Variants in TMEM74 observed in about 807,000 individuals in gnomAD.
TMEM74 encodes the protein transmembrane protein 74.
In TMEM74, 13 loss-of-function variants were observed where a neutral mutation model predicts 18.1. The observed-to-expected ratio is 0.72, with a 90% CI of 0.47 to 1.14. The LOEUF (loss-of-function observed/expected upper bound fraction) is 1.14, where lower values mean the gene tolerates loss of function less well. TMEM74 is among the 50% of genes most tolerant of loss of function. The probability of loss-of-function intolerance (pLI) is 0.00; values close to 1 mark genes in which losing one functional copy is unlikely to be tolerated. For missense variants in TMEM74, 372 were observed against 375.9 expected, an observed-to-expected ratio of 0.99 and a Z score of 0.09; for synonymous variants, 159 against 146.6, an observed-to-expected ratio of 1.08 and a Z score of -0.61.
At chr8:108,665,395 G>T (rs1195923881) in intron 1 of TMEM74, among the ~76,000 whole-genome samples, 1 of 151,958 alleles carries the variant, frequency 6.6e-6, no homozygotes, top group Non-Finnish European at 1.5e-5. Context: ...AAGAGAAATG[G>T]GCATCAGGGA....
intron 2 of TMEM74, among the ~76,000 whole-genome samples, chr8:108,654,763 T>A (rs898341521): frequency 2.6e-5 from 4 of 152,124 alleles, no homozygotes; most frequent in Non-Finnish European, 4.4e-5. Flanking sequence ...AAGTGTTTTT[T>A]TTTTTATATT....
intron 1 of TMEM74, among the ~76,000 whole-genome samples, chr8:108,748,408 GGTT>G (rs1309824716): frequency 3.3e-5 from 5 of 151,918 alleles, no homozygotes; most frequent in African/African-American, 1.2e-4. Context: ...TTTTAAATGG[GGTT>G]GTTGTTTTTT....
chr8:108,743,889 A>G (rs1462795480), intron 1 of TMEM74, among the ~76,000 whole-genome samples: 3 of 152,138 alleles, frequency 2.0e-5, no homozygotes, highest in Non-Finnish European at 4.4e-5. Context: ...AGAATGTTTG[A>G]AAATGTGGGG....
intron 1 of TMEM74, among the ~76,000 whole-genome samples, chr8:108,726,360 A>G (rs963961728): frequency 3.3e-5 from 5 of 152,186 alleles, no homozygotes; most frequent in African/African-American, 7.2e-5. Context: ...TTTAAAGTAT[A>G]GTAAATCAAT....
At chr8:108,620,874 A>G (rs1002134615) in intron 2 of TMEM74, among the ~76,000 whole-genome samples, 1 of 152,156 alleles carries the variant, frequency 6.6e-6, no homozygotes, top group Non-Finnish European at 1.5e-5. Context: ...TAGAAGTGAT[A>G]TTGTGAGAAT....
intron 1 of TMEM74, among the ~76,000 whole-genome samples, chr8:108,769,105 C>T (rs1045672971): frequency 6.6e-6 from 1 of 151,530 alleles, no homozygotes; most frequent in Admixed American, 6.6e-5. Flanking sequence ...GAGTTCAAGA[C>T]CAGCCTGGCC....
intron 1 of TMEM74, among the ~76,000 whole-genome samples, chr8:108,760,152 GA>G (rs1814025317): frequency 1.4e-5 from 2 of 143,916 alleles, no homozygotes; most frequent in African/African-American, 5.0e-5. Context: ...CAGACTGGGA[GA>G]GAGAGAGAGA....
intron 1 of TMEM74, among the ~76,000 whole-genome samples, chr8:108,719,326 TAAA>T: frequency 6.6e-6 from 1 of 152,258 alleles, no homozygotes; most frequent in Admixed American, 6.5e-5. Flanking sequence ...TTAATTTTGT[TAAA>T]TATACATTCT....
intron 2 of TMEM74, among the ~76,000 whole-genome samples, chr8:108,637,231 CA>C (rs1812615798): frequency 6.6e-6 from 1 of 152,032 alleles, no homozygotes; most frequent in Non-Finnish European, 1.5e-5. Context: ...GGCCAAATAG[CA>C]CTTTTCCCAT....
At chr8:108,733,988 G>A (rs1483455844) in intron 1 of TMEM74, among the ~76,000 whole-genome samples, 1 of 152,156 alleles carries the variant, frequency 6.6e-6, no homozygotes, top group Non-Finnish European at 1.5e-5. Flanking sequence ...AATTTTAGGT[G>A]TCAACCTGAC....
intron 1 of TMEM74, among the ~76,000 whole-genome samples, chr8:108,678,591 T>G (rs1163833158): frequency 2.6e-5 from 4 of 151,246 alleles, no homozygotes; most frequent in Admixed American, 6.6e-5. Flanking sequence ...CAGGCTGGTC[T>G]CGAAATCCTG....
intron 1 of TMEM74, among the ~76,000 whole-genome samples, chr8:108,756,332 A>G (rs1217150022): frequency 4.0e-5 from 6 of 151,826 alleles, no homozygotes; most frequent in Admixed American, 1.3e-4. Flanking sequence ...TAAACAGCAC[A>G]TGGAAAATTA....
chr8:108,739,181 T>A (rs1224019883), intron 1 of TMEM74, among the ~76,000 whole-genome samples: 2 of 152,232 alleles, frequency 1.3e-5, no homozygotes, highest in African/African-American at 4.8e-5. Flanking sequence ...TTGACTAAAC[T>A]TTTTAAGATT....
intron 1 of TMEM74, among the ~76,000 whole-genome samples, chr8:108,772,477 CA>C (rs1189596579): frequency 1.3e-5 from 2 of 152,064 alleles, no homozygotes; most frequent in Non-Finnish European, 2.9e-5. Context: ...AAGAAATGAC[CA>C]ATGCTTGAAA....
Position 108,783,998 on chromosome 8 carries a change from A to G in TMEM74, c.*183T>C, listed in dbSNP as rs977159456. The stretch of plus-strand genomic sequence containing the variant: ...GGTGTGGCTGGTTGTGGTTTCTTAT[A>G]CATCTTACATGGCTTTTCTTCTAAA... On this transcript the variant is annotated 3_prime_UTR_variant, in exon 2 of 2. Transcript: ENST00000297459. 2.0e-6 allele frequency: 1 copy of G among 505,150 alleles called. No homozygotes were observed. Among genetic ancestry groups the G allele is most frequent in the South Asian group, 3.9e-5 (1 of 25,748 alleles). 31.3% of individuals were successfully genotyped at this position (505,150 alleles called of 1,614,324 possible). A position where few individuals can be genotyped will look rare whatever the true frequency, so the allele number is the denominator to read the frequency against.
intron 1 of TMEM74, among the ~76,000 whole-genome samples, chr8:108,668,944 G>A (rs1812976001): frequency 6.6e-6 from 1 of 151,990 alleles, no homozygotes; most frequent in African/African-American, 2.4e-5. Flanking sequence ...TTGAACTGCA[G>A]TTACAACATT....
chr8:108,614,513 T>A (rs1563732440), intron 2 of TMEM74, among the ~76,000 whole-genome samples: 7 of 152,318 alleles, frequency 4.6e-5, no homozygotes, highest in Non-Finnish European at 1.5e-5. Context: ...CCAGAAAGAA[T>A]GACCTAGAAT....
chr8:108,695,976 C>T (rs775666992), intron 1 of TMEM74, among the ~76,000 whole-genome samples: 1 of 152,122 alleles, frequency 6.6e-6, no homozygotes, highest in African/African-American at 2.4e-5. Flanking sequence ...CTTTTATCAC[C>T]TACTCCGAAT....
intron 2 of TMEM74, among the ~76,000 whole-genome samples, chr8:108,612,314 T>G (rs1326875820): frequency 6.6e-6 from 1 of 152,194 alleles, no homozygotes; most frequent in African/African-American, 2.4e-5. Context: ...TTAACATTAT[T>G]CTACTTCAAG....
Sources: gnomAD v4.1 joint callset for allele counts (sites outside exome capture counted in the v4.1 genomes callset) on GRCh38, gnomAD v4.1.1 for gene constraint, MANE v1.5 for transcripts, NCBI Gene and HGNC (gene_info 2026-07-23, HGNC 2026-07-21) for gene names.